NRG1: variants seen among roughly 807,000 people sequenced by gnomAD.
NRG1 encodes the protein neuregulin 1, also known as pro-neuregulin-1, membrane-bound isoform.
Under a neutral mutation model 63.8 loss-of-function variants are expected in NRG1, and 18 were observed. The observed-to-expected ratio is 0.28, with a 90% CI of 0.19 to 0.42. NRG1 has a LOEUF of 0.42. Ranked by LOEUF, NRG1 falls within the 10% of genes least tolerant of loss-of-function variation. The probability of loss-of-function intolerance (pLI) is 1.00; values close to 1 mark genes in which losing one functional copy is unlikely to be tolerated. For missense variants in NRG1, 762 were observed against 814.7 expected (o/e 0.94, Z 0.79); for synonymous variants, 302 against 301.3 (o/e 1.00, Z -0.02).
intron 1 of NRG1, among the ~76,000 whole-genome samples, chr8:31,798,433 T>G (rs1405196620): frequency 3.3e-5 from 5 of 152,220 alleles, no homozygotes; most frequent in Non-Finnish European, 7.3e-5. Flanking sequence ...TGTAATCTTT[T>G]GCTGTCTTGC....
rs927902324 is a variant in NRG1 at position 32,366,673 on chromosome 8, G to A, written c.38-229155G>A. 5.2e-3 allele frequency among the ~76,000 whole-genome samples: 221 copies of A among 42,804 alleles called. 1 individual carries two copies. Among genetic ancestry groups the A allele is most frequent in the African/African-American group, 0.015 (169 of 11,338 alleles). 28.1% of individuals were successfully genotyped at this position (42,804 alleles called of 152,430 possible). ...ATATATTGTGTGTGTGTGTGTGTGT[G>A]TGTGTATATATATATATATATATAT... is the stretch of plus-strand genomic sequence containing the variant. On this transcript the variant is annotated intron_variant, in intron 1 of 10. Coordinates refer to the NRG1 transcript ENST00000519301.
intron 1 of NRG1, among the ~76,000 whole-genome samples, chr8:31,990,779 G>T (rs1810931698): frequency 6.6e-6 from 1 of 152,070 alleles, no homozygotes; most frequent in African/African-American, 2.4e-5. Flanking sequence ...ATGAAGTGAA[G>T]TTGGTTCTGG....
chr8:31,817,635 T>C (rs908146378), intron 1 of NRG1, among the ~76,000 whole-genome samples: 8 of 152,244 alleles, frequency 5.3e-5, no homozygotes, highest in African/African-American at 1.9e-4. Context: ...CCCTTTTTGG[T>C]TGACTTCTTC....
intron 1 of NRG1, among the ~76,000 whole-genome samples, chr8:31,952,470 C>T (rs1803631507): frequency 6.6e-6 from 1 of 152,188 alleles, no homozygotes. Flanking sequence ...GTATGTCTAA[C>T]AGGCAGAACA....
chr8:32,492,053 C>T (rs534914133), intron 1 of NRG1, among the ~76,000 whole-genome samples: 10 of 151,942 alleles, frequency 6.6e-5, no homozygotes, highest in South Asian at 2.1e-4. Flanking sequence ...ATATAATCCC[C>T]GTAATTATTT....
At chr8:32,019,707 G>C (rs1486389535) in intron 1 of NRG1, among the ~76,000 whole-genome samples, 1 of 152,110 alleles carries the variant, frequency 6.6e-6, no homozygotes, top group Non-Finnish European at 1.5e-5. Context: ...TTTTAATTAT[G>C]ATATGCAACA....
At chr8:32,434,498 C>G (rs1016425832) in intron 1 of NRG1, among the ~76,000 whole-genome samples, 1 of 152,034 alleles carries the variant, frequency 6.6e-6, no homozygotes, top group Non-Finnish European at 1.5e-5. Flanking sequence ...TAGGATGCCC[C>G]GAATAACTGA....
At chr8:32,684,885 G>A (rs991231225) in intron 5 of NRG1, among the ~76,000 whole-genome samples, 1 of 152,050 alleles carries the variant, frequency 6.6e-6, no homozygotes, top group Non-Finnish European at 1.5e-5. Flanking sequence ...TCCTAGTTTA[G>A]AGTAAGTCTA....
rs953368229 is a variant in NRG1, at chr8:31,859,707, C to A, written c.37+220276C>A. On this transcript the variant is annotated intron_variant, in intron 1 of 10. Coordinates refer to the NRG1 transcript ENST00000519301. The stretch of plus-strand genomic sequence containing the variant: ...TCTATTGTATGTTTTGCTACAAAAG[C>A]AAAGTGGTTCCTTATGATTGGCTGA... 1.2e-4 allele frequency among the ~76,000 whole-genome samples: 18 copies of A among 152,152 alleles called. 1 individual carries two copies.
chr8:32,361,309 G>A (rs1807181012), intron 1 of NRG1, among the ~76,000 whole-genome samples: 1 of 152,086 alleles, frequency 6.6e-6, no homozygotes, highest in African/African-American at 2.4e-5. Flanking sequence ...GGGGCCAAGT[G>A]TAGGAAGGGA....
chr8:32,556,829 G>A (rs1835261941), intron 1 of NRG1, among the ~76,000 whole-genome samples: 1 of 152,114 alleles, frequency 6.6e-6, no homozygotes, highest in African/African-American at 2.4e-5. Flanking sequence ...ATTTTTAAAG[G>A]ATAGCACAGT....
chr8:31,855,322 A>G (rs1309632839), intron 1 of NRG1, among the ~76,000 whole-genome samples: 1 of 152,136 alleles, frequency 6.6e-6, no homozygotes, highest in Non-Finnish European at 1.5e-5. Flanking sequence ...TATGTTTAGG[A>G]TAGTTAGCTC....
intron 1 of NRG1, among the ~76,000 whole-genome samples, chr8:32,595,126 T>A (rs1314466559): frequency 6.6e-6 from 1 of 152,220 alleles, no homozygotes; most frequent in African/African-American, 2.4e-5. Context: ...ACACTGTGAT[T>A]TGGGATGTGA....
chr8:32,326,520 T>A (rs10106411), intron 1 of NRG1, among the ~76,000 whole-genome samples: 14,061 of 151,998 alleles, frequency 0.093, 896 homozygotes, highest in Middle Eastern at 0.18. Flanking sequence ...AGACATGGTC[T>A]CACTATGTTG....
At chr8:32,579,891 A>G (rs1477307589) in intron 1 of NRG1, among the ~76,000 whole-genome samples, 1 of 152,092 alleles carries the variant, frequency 6.6e-6, no homozygotes, top group Non-Finnish European at 1.5e-5. Context: ...GAGAGAAATC[A>G]TTTTCTTGCC....
intron 7 of NRG1, among the ~76,000 whole-genome samples, chr8:32,743,595 T>TATATATATATATAA (rs1439936922): frequency 2.8e-5 from 4 of 141,784 alleles, no homozygotes; most frequent in South Asian, 2.2e-4. Flanking sequence ...TATATATATA[T>TATATATATATATAA]AAAACTTAAT....
intron 1 of NRG1, among the ~76,000 whole-genome samples, chr8:31,777,842 A>T (rs1819299832): frequency 6.6e-6 from 1 of 152,234 alleles, no homozygotes; most frequent in Non-Finnish European, 1.5e-5. Flanking sequence ...GAACTAATAG[A>T]GTGAAAACTC....
intron 1 of NRG1, among the ~76,000 whole-genome samples, chr8:31,991,909 TACTA>T (rs1811163611): frequency 6.6e-6 from 1 of 152,038 alleles, no homozygotes; most frequent in Non-Finnish European, 1.5e-5. Context: ...AAATAACATT[TACTA>T]ACTAATACCT....
intron 1 of NRG1, among the ~76,000 whole-genome samples, chr8:32,018,194 C>T (rs1382029629): frequency 6.6e-6 from 1 of 152,156 alleles, no homozygotes; most frequent in African/African-American, 2.4e-5. Context: ...TATTTCAACC[C>T]CAATTGTCCT....
Sources: gnomAD v4.1 joint callset for allele counts (sites outside exome capture counted in the v4.1 genomes callset) on GRCh38, gnomAD v4.1.1 for gene constraint, MANE v1.5 for transcripts, NCBI Gene and HGNC (gene_info 2026-07-23, HGNC 2026-07-21) for gene names.